PCBP2: variants seen among roughly 807,000 people sequenced by gnomAD.
PCBP2 encodes poly(rC) binding protein 2.
In PCBP2, 4 loss-of-function variants were observed where a neutral mutation model predicts 50.1. The ratio of observed to expected loss-of-function variants is 0.08; its 90% CI spans 0.04 to 0.18. The LOEUF (loss-of-function observed/expected upper bound fraction) is 0.18, where lower values mean the gene tolerates loss of function less well. PCBP2 is among the 10% of genes least tolerant of loss of function. The probability of loss-of-function intolerance (pLI) is 1.00; values close to 1 mark genes in which losing one functional copy is unlikely to be tolerated. For synonymous variants in PCBP2, 179 were observed against 168.0 expected (o/e 1.07, Z -0.51); for missense variants, 161 against 474.3 (o/e 0.34, Z 6.14).
rs900880955 is a variant in PCBP2, at chr12:53,480,505, A to T, written c.*1063A>T. 2.0e-5 allele frequency: 3 copies of T among 152,522 alleles called. No homozygotes were observed. Among genetic ancestry groups the T allele is most frequent in the African/African-American group, 7.2e-5 (3 of 41,404 alleles). 9.4% of individuals were successfully genotyped at this position (152,522 alleles called of 1,614,324 possible). ...ACCCTCAACAGCTGGGCCTGCATGG[A>T]GTGTTATATTTCAAGGTTTTTCACA... On this transcript the variant is annotated 3_prime_UTR_variant, in exon 15 of 15. Transcript: ENST00000546463.
At chr12:53,469,129 C>G (rs528167707) in intron 13 of PCBP2, among the ~76,000 whole-genome samples, 1 of 151,764 alleles carries the variant, frequency 6.6e-6, no homozygotes, top group African/African-American at 2.4e-5. Context: ...CTCAAACTCC[C>G]GAGCTCAGGT....
At chr12:53,452,536 C>T (rs916134903) in intron 1 of PCBP2, among the ~76,000 whole-genome samples, 160 bp downstream of exon 1, 14 of 151,480 alleles carry the variant, frequency 9.2e-5, no homozygotes, top group African/African-American at 3.2e-4. Flanking sequence ...TCACGCGAGG[C>T]CCTGGCTCTG....
At chr12:53,453,912 A>C (rs1940781706) in intron 1 of PCBP2, among the ~76,000 whole-genome samples, 2 of 152,304 alleles carry the variant, frequency 1.3e-5, no homozygotes, top group Non-Finnish European at 2.9e-5. Flanking sequence ...TTAAAAACAA[A>C]AAATTTTAGC....
chr12:53,468,917 C>CAT, intron 13 of PCBP2, 85 bp downstream of exon 13: 10 of 574,208 alleles, frequency 1.7e-5, no homozygotes, highest in Non-Finnish European at 2.9e-5. Context: ...TCCTGCTACC[C>CAT]TTTTTTTTTT....
chr12:53,464,284 C>G (rs1445495185), intron 8 of PCBP2, among the ~76,000 whole-genome samples: 1 of 151,974 alleles, frequency 6.6e-6, no homozygotes, highest in South Asian at 2.1e-4. Context: ...CACACCTCCC[C>G]CTTCATACCT....
At chr12:53,454,510 A>C (rs1049161562) in intron 1 of PCBP2, 4 of 356,198 alleles carry the variant, frequency 1.1e-5, no homozygotes, top group Non-Finnish European at 2.1e-5. Flanking sequence ...AAACCCTGTC[A>C]TTAATGAGAG....
rs552122083 is a variant in PCBP2, at chr12:53,467,172, C to T, written c.715-49C>T. ...TTTCAAATTCGAATGTGCTTGAGCCCTGGCTCTGTTAAATCTTCTAATGCC... is the reference window on the plus strand; with the variant it reads ...TTTCAAATTCGAATGTGCTTGAGCCTTGGCTCTGTTAAATCTTCTAATGCC... On this transcript the variant is annotated intron_variant, in intron 10 of 14. Coordinates refer to ENST00000546463, the MANE Select transcript of PCBP2 (RefSeq NM_031989.5). 5 of 1,449,106 alleles carry T rather than the reference C, an allele frequency of 3.5e-6. No individual in the cohort carries two copies. The South Asian group carries it at 3.5e-5, about 10-fold the overall frequency. 89.8% of individuals were successfully genotyped at this position (1,449,106 alleles called of 1,614,324 possible).
At position 53,479,292 on chromosome 12, in the gene PCBP2, C is replaced by T. The variant is rs1156482991; in HGVS notation, c.1053-114C>T. On this transcript the variant is annotated intron_variant, in intron 14 of 14. Transcript: ENST00000546463. ...GTAAATTTAAGAAACCTTAAAATGT[C>T]TCCCTTGGTACTCCAGCACTGGTTA... The T allele has an allele frequency of 1.1e-5, 10 of 874,954 alleles. 1 individual carries two copies. The allele number at this position is 874,954 out of a possible 1,614,324, so 54.2% of individuals were successfully genotyped here.
chr12:53,460,811 G>T, intron 6 of PCBP2: 1 of 480,004 alleles, frequency 2.1e-6, no homozygotes, highest in Non-Finnish European at 3.7e-6. Flanking sequence ...GCTTATTCTT[G>T]TCTTTCAGTG....
chr12:53,465,609 A>G (rs1283390405), intron 9 of PCBP2, among the ~76,000 whole-genome samples: 2 of 152,196 alleles, frequency 1.3e-5, no homozygotes, highest in Non-Finnish European at 2.9e-5. Flanking sequence ...ACAGGGAGGA[A>G]GAGTGGGGCT....
chr12:53,466,069 CT>C, intron 10 of PCBP2, 96 bp downstream of exon 10: 1 of 997,844 alleles, frequency 1.0e-6, no homozygotes, highest in Non-Finnish European at 1.6e-6. Context: ...TGAGTTGGGT[CT>C]TCAGCATTTG....
chr12:53,465,055 T>A, intron 9 of PCBP2: 1 of 494,116 alleles, frequency 2.0e-6, no homozygotes, highest in Non-Finnish European at 3.2e-6. Flanking sequence ...TTTTTTTTTT[T>A]TTAATTTTTT....
intron 5 of PCBP2, among the ~76,000 whole-genome samples, chr12:53,458,140 G>A (rs1941176714): frequency 6.6e-6 from 1 of 151,928 alleles, no homozygotes; most frequent in South Asian, 2.1e-4. Context: ...TGTTGGCCAG[G>A]CTGGTCTCGG....
intron 7 of PCBP2, among the ~76,000 whole-genome samples, chr12:53,461,633 T>C (rs539449955): frequency 2.0e-5 from 3 of 152,320 alleles, no homozygotes; most frequent in African/African-American, 4.8e-5. Context: ...ATTAAAAGAA[T>C]AGCAAAATTC....
chr12:53,474,319 C>T (rs556027980), intron 14 of PCBP2, among the ~76,000 whole-genome samples: 12 of 152,312 alleles, frequency 7.9e-5, no homozygotes, highest in South Asian at 2.1e-4. Flanking sequence ...AGTCAGTGAC[C>T]TACTTTGGAC....
chr12:53,474,967 C>T (rs899893872), intron 14 of PCBP2: 1 of 456,776 alleles, frequency 2.2e-6, no homozygotes, highest in African/African-American at 2.0e-5. Context: ...TCTTCTTCTT[C>T]CTCCTCCACC....
chr12:53,455,686 G>A (rs557144831), intron 4 of PCBP2, among the ~76,000 whole-genome samples, 193 bp downstream of exon 4: 3 of 152,156 alleles, frequency 2.0e-5, no homozygotes, highest in Non-Finnish European at 4.4e-5. Flanking sequence ...GTTTTGACAA[G>A]TCAGAATTCT....
Position 53,455,916 on chromosome 12 carries a change from A to C in PCBP2, c.158A>C (p.Asn53Thr). 1 of 1,612,510 alleles carries C rather than the reference A, an allele frequency of 6.2e-7. No individual in the cohort carries two copies. Residue 53 changes from asparagine (N) to threonine (T), a missense_variant, in exon 5 of 15, where the codon AAT becomes ACT. Coordinates refer to ENST00000546463, the MANE Select transcript of PCBP2 (RefSeq NM_031989.5). ...GCACGTATCAACATCTCAGAAGGGA[A>C]TTGTCCTGAGAGAATTATCACTTTG... ...SGARINISEG[N>T]CPERIITLAG...
chr12:53,475,691 G>A (rs1374088274), intron 14 of PCBP2: 1 of 152,558 alleles, frequency 6.6e-6, no homozygotes, highest in Non-Finnish European at 1.5e-5. Flanking sequence ...AGGGTTGGGG[G>A]CTTGTGACTT....
Sources: gnomAD v4.1 joint callset for allele counts (sites outside exome capture counted in the v4.1 genomes callset) on GRCh38, gnomAD v4.1.1 for gene constraint, MANE v1.5 for transcripts, NCBI Gene and HGNC (gene_info 2026-07-23, HGNC 2026-07-21) for gene names.